PSMD12: variants seen among roughly 807,000 people sequenced by gnomAD.
PSMD12 encodes proteasome 26S subunit, non-ATPase 12, also known as 26S proteasome non-ATPase regulatory subunit 12.
PSMD12 carries 8 observed loss-of-function variants against 62.9 expected under a neutral mutation model. The observed-to-expected ratio is 0.13, with a 90% confidence interval of 0.07 to 0.23. PSMD12 has a LOEUF of 0.23. Among genes scored for constraint, PSMD12 ranks in the 10% least tolerant of loss-of-function variants. The probability of loss-of-function intolerance (pLI) is 1.00; values close to 1 mark genes in which losing one functional copy is unlikely to be tolerated. For missense variants in PSMD12, 424 were observed against 550.2 expected, an observed-to-expected ratio of 0.77 and a Z score of 2.29; for synonymous variants, 173 against 187.4, an observed-to-expected ratio of 0.92 and a Z score of 0.63.
At chr17:67,357,798 A>C in intron 1 of PSMD12, among the ~76,000 whole-genome samples, 1 of 152,192 alleles carries the variant, frequency 6.6e-6, no homozygotes, top group East Asian at 1.9e-4. Flanking sequence ...CCCATAAGCT[A>C]TTTTTAATAT....
chr17:67,360,979 T>C (rs1286345618), intron 1 of PSMD12: 1 of 152,230 alleles, frequency 6.6e-6, no homozygotes, highest in Non-Finnish European at 1.5e-5. Flanking sequence ...TTCTACCCTA[T>C]GGCTAAACAT....
Position 67,344,779 on chromosome 17 carries a change from C to A in PSMD12, c.910G>T (p.Asp304Tyr). The A allele has an allele frequency of 1.3e-6, 2 of 1,572,572 alleles. No individual in the cohort carries two copies. The highest frequency in any genetic ancestry group is 1.2e-5 in the South Asian group (1 of 84,864). The change falls in exon 9 of 11, where the codon GAT (aspartate) becomes TAT (tyrosine). Residue 304 changes from aspartate (D) to tyrosine (Y), a missense_variant and splice_region_variant. Asp to Tyr is a radical substitution (Grantham distance 160). Transcript: ENST00000356126. ...ATTGTGGTAAAAAGCTTTAAAAGAT[C>A]CCTGAAAATTGTATACATCTTAATA... Reference protein sequence around the residue: ...KKLEEIPKYKDLLKLFTTMEL... With the variant: ...KKLEEIPKYKYLLKLFTTMEL...
intron 7 of PSMD12, among the ~76,000 whole-genome samples, 160 bp downstream of exon 7, chr17:67,346,956 C>T (rs1445159547): frequency 6.6e-6 from 1 of 152,142 alleles, no homozygotes; most frequent in Non-Finnish European, 1.5e-5. Context: ...TAAACTATGG[C>T]TGCAATTGGA....
At chr17:67,365,216 A>C (rs2042168184) in intron 1 of PSMD12, among the ~76,000 whole-genome samples, 1 of 150,654 alleles carries the variant, frequency 6.6e-6, no homozygotes, top group African/African-American at 2.4e-5. Flanking sequence ...TCAGGTTTTC[A>C]CTACAATAGG....
chr17:67,350,458 G>A (rs1468605139), intron 3 of PSMD12, 122 bp from the exon 4 acceptor site: 2 of 575,472 alleles, frequency 3.5e-6, no homozygotes, highest in Non-Finnish European at 5.7e-6. Flanking sequence ...ACACCAAAAT[G>A]TCATAAAGAA....
intron 1 of PSMD12, among the ~76,000 whole-genome samples, chr17:67,362,261 T>C (rs541873027): frequency 6.6e-6 from 1 of 152,282 alleles, no homozygotes; most frequent in East Asian, 1.9e-4. Flanking sequence ...AATTTTTAAC[T>C]CCTGAATACA....
intron 3 of PSMD12, among the ~76,000 whole-genome samples, chr17:67,353,000 G>A (rs1026629771): frequency 6.6e-6 from 1 of 152,184 alleles, no homozygotes; most frequent in Non-Finnish European, 1.5e-5. Context: ...CAAGGAAAAA[G>A]CATAGTGGAT....
intron 7 of PSMD12, among the ~76,000 whole-genome samples, chr17:67,346,167 C>G (rs376561492): frequency 7.2e-4 from 110 of 152,004 alleles, no homozygotes; most frequent in South Asian, 2.3e-3. Flanking sequence ...CCCAGGCGGG[C>G]GGATCACCTG....
At chr17:67,353,227 G>A (rs2042034620) in intron 3 of PSMD12, among the ~76,000 whole-genome samples, 1 of 152,128 alleles carries the variant, frequency 6.6e-6, no homozygotes, top group African/African-American at 2.4e-5. Context: ...GGGCTCGAGT[G>A]ACAGACAATG....
At chr17:67,356,884 G>A (rs958981201) in intron 3 of PSMD12, among the ~76,000 whole-genome samples, 5 of 151,734 alleles carry the variant, frequency 3.3e-5, no homozygotes, top group African/African-American at 7.3e-5. Flanking sequence ...GGCGGCATGC[G>A]CTTACAGTCC....
In PSMD12 at chr17:67,350,067, G is replaced by A. The variant is rs2042003114; in HGVS notation, c.405+162C>T. On this transcript the variant is annotated intron_variant, in intron 4 of 10. Transcript: ENST00000356126. ...TTTAAATAGATTCATTTGCAGAAAG[G>A]GATGTACAAAGACATTATTGGTTGA... is the stretch of plus-strand genomic sequence containing the variant. Among the ~76,000 whole-genome samples, 3 of 151,960 alleles carry A rather than the reference G, an allele frequency of 2.0e-5. No individual in the cohort carries two copies. The South Asian group carries it at 6.2e-4, about 32-fold the overall frequency.
At chr17:67,353,144 A>T (rs1358253783) in intron 3 of PSMD12, among the ~76,000 whole-genome samples, 1 of 152,186 alleles carries the variant, frequency 6.6e-6, no homozygotes, top group Non-Finnish European at 1.5e-5. Context: ...AAATTCTAAT[A>T]ATAAGTGAAC....
chr17:67,339,464 T>A lies in PSMD12; in HGVS notation c.*1379A>T, dbSNP rs1459100976. ...TGATGTTATTAGTGTGACCAATGCATTGAATTTCCAAAGAATAAAATCAGA... is the reference window on the plus strand; with the variant it reads ...TGATGTTATTAGTGTGACCAATGCAATGAATTTCCAAAGAATAAAATCAGA... On this transcript the variant is annotated 3_prime_UTR_variant, in exon 11 of 11. Transcript: ENST00000356126. The A allele has an allele frequency of 6.6e-6, 1 of 152,176 alleles. No homozygotes were observed. Among genetic ancestry groups the A allele is most frequent in the Non-Finnish European group, 1.5e-5 (1 of 68,036 alleles). 9.4% of individuals were successfully genotyped at this position (152,176 alleles called of 1,614,324 possible). A position where few individuals can be genotyped will look rare whatever the true frequency, so the allele number is the denominator to read the frequency against.
intron 1 of PSMD12, among the ~76,000 whole-genome samples, chr17:67,364,034 A>G (rs1170534177): frequency 6.6e-6 from 1 of 152,162 alleles, no homozygotes. Flanking sequence ...GGGCAACAAG[A>G]GCGAAACTCT....
intron 5 of PSMD12, among the ~76,000 whole-genome samples, chr17:67,348,259 C>T (rs2041986453): frequency 6.6e-6 from 1 of 152,186 alleles, no homozygotes; most frequent in Non-Finnish European, 1.5e-5. Flanking sequence ...ACAGGAGTTC[C>T]AGGTGCTTTG....
At chr17:67,350,189 C>A in intron 4 of PSMD12, 40 bp downstream of exon 4, 6 of 1,337,156 alleles carry the variant, frequency 4.5e-6, no homozygotes, top group African/African-American at 2.9e-5. Context: ...ACAGAAAAAA[C>A]AGTTCATATC....
chr17:67,346,551 C>T (rs568740409), intron 7 of PSMD12, among the ~76,000 whole-genome samples: 25 of 151,894 alleles, frequency 1.6e-4, no homozygotes, highest in Non-Finnish European at 2.8e-4. Context: ...GGCGACAGAG[C>T]GAGACTCTGT....
chr17:67,345,500 G>C (rs1310820555), intron 8 of PSMD12: 2 of 377,600 alleles, frequency 5.3e-6, no homozygotes, highest in Non-Finnish European at 1.0e-5. Flanking sequence ...AAATTAGCTC[G>C]GCATGGTAGC....
intron 3 of PSMD12, among the ~76,000 whole-genome samples, chr17:67,352,944 G>A (rs537380976): frequency 6.6e-6 from 1 of 152,294 alleles, no homozygotes; most frequent in Admixed American, 6.5e-5. Flanking sequence ...ATGCCAAAGC[G>A]AAGCCATAAA....
Sources: gnomAD v4.1 joint callset for allele counts (sites outside exome capture counted in the v4.1 genomes callset) on GRCh38, gnomAD v4.1.1 for gene constraint, MANE v1.5 for transcripts, NCBI Gene and HGNC (gene_info 2026-07-23, HGNC 2026-07-21) for gene names.